Variants in TCF12 observed in about 807,000 individuals in gnomAD.
TCF12 encodes the protein transcription factor 12.
Under a neutral mutation model 86.0 loss-of-function variants are expected in TCF12, and 45 were observed. That is an observed-to-expected ratio of 0.52 (90% CI 0.41 to 0.67). The LOEUF is 0.67. TCF12 is among the 30% of genes least tolerant of loss of function. The pLI is 0.00. For missense variants in TCF12, 881 were observed against 859.9 expected (o/e 1.02, Z -0.31); for synonymous variants, 330 against 299.6 (o/e 1.10, Z -1.05).
At chr15:57,147,780 G>A (rs1444262903) in intron 5 of TCF12, among the ~76,000 whole-genome samples, 2 of 151,828 alleles carry the variant, frequency 1.3e-5, no homozygotes, top group Non-Finnish European at 2.9e-5. Context: ...AATTAAAGCA[G>A]AGTTCCTAAA....
chr15:57,073,685 C>A (rs1282952942), intron 4 of TCF12, among the ~76,000 whole-genome samples: 2 of 152,164 alleles, frequency 1.3e-5, no homozygotes, highest in Non-Finnish European at 1.5e-5. Context: ...ATAAAAGAGA[C>A]CCCCAGAACA....
At chr15:57,004,340 T>G (rs1379861714) in intron 3 of TCF12, among the ~76,000 whole-genome samples, 1 of 151,990 alleles carries the variant, frequency 6.6e-6, no homozygotes, top group African/African-American at 2.4e-5. Context: ...CGAGTTCAAG[T>G]GATTCTCCTG....
rs1295132460 is a variant in TCF12, at chr15:57,280,969, G to A, written c.1979-1476G>A. ...ATGAAAAGCTATATCAGAAGCTATG[G>A]ATATCTTGGGCTTAAAACTCATTTT... On this transcript the variant is annotated intron_variant, in intron 19 of 20. Coordinates refer to ENST00000333725, the MANE Select transcript of TCF12 (RefSeq NM_207037.2). Among the ~76,000 whole-genome samples, 5 of 152,236 alleles carry A rather than the reference G, an allele frequency of 3.3e-5. No individual in the cohort carries two copies. In the East Asian group the frequency reaches 9.6e-4, roughly 29 times the overall value.
At chr15:57,255,616 T>G (rs2152030131) in intron 16 of TCF12, among the ~76,000 whole-genome samples, 1 of 152,156 alleles carries the variant, frequency 6.6e-6, no homozygotes, top group Middle Eastern at 3.4e-3. Flanking sequence ...CCCGAATAGC[T>G]GGGATTATAG....
chr15:57,082,524 A>G (rs546734610), intron 4 of TCF12, among the ~76,000 whole-genome samples: 3 of 152,340 alleles, frequency 2.0e-5, no homozygotes, highest in African/African-American at 4.8e-5. Flanking sequence ...AGGCCAAACT[A>G]TTTCAGATAA....
At chr15:56,973,793 G>C (rs1445725405) in intron 3 of TCF12, among the ~76,000 whole-genome samples, 1 of 152,102 alleles carries the variant, frequency 6.6e-6, no homozygotes, top group African/African-American at 2.4e-5. Context: ...GTAACCATGT[G>C]ATTAAAGTTT....
intron 13 of TCF12, chr15:57,247,106 A>G: frequency 3.5e-6 from 2 of 570,178 alleles, no homozygotes; most frequent in South Asian, 1.6e-5. Flanking sequence ...TCCCACCACC[A>G]CCGTAGTTAC....
At chr15:56,971,961 G>T (rs1444836696) in intron 3 of TCF12, among the ~76,000 whole-genome samples, 1 of 152,130 alleles carries the variant, frequency 6.6e-6, no homozygotes, top group African/African-American at 2.4e-5. Context: ...GGAGGAAGGG[G>T]TAATGAAAAT....
chr15:57,234,136 A>G (rs1407433280), intron 12 of TCF12, 29 bp downstream of exon 12: 1 of 1,570,604 alleles, frequency 6.4e-7, no homozygotes, highest in Non-Finnish European at 8.8e-7. Context: ...CATTCTACTG[A>G]ATGAATTTTA....
intron 5 of TCF12, among the ~76,000 whole-genome samples, chr15:57,130,658 T>C (rs2052039217): frequency 6.6e-6 from 1 of 152,216 alleles, no homozygotes; most frequent in Admixed American, 6.5e-5. Context: ...GTTTCTGAAC[T>C]GAAAGTAGAG....
At chr15:57,211,827 G>A (rs1372393897) in intron 8 of TCF12, among the ~76,000 whole-genome samples, 2 of 152,178 alleles carry the variant, frequency 1.3e-5, no homozygotes, top group Admixed American at 6.5e-5. Context: ...GGTAGCACAC[G>A]CCTGTAATCC....
intron 3 of TCF12, among the ~76,000 whole-genome samples, chr15:57,008,774 G>T (rs540063494): frequency 6.6e-6 from 1 of 152,218 alleles, no homozygotes; most frequent in East Asian, 1.9e-4. Context: ...TTTATTGGTT[G>T]CTCTCTAGTG....
chr15:57,161,776 T>G (rs772603278), intron 5 of TCF12, among the ~76,000 whole-genome samples: 1 of 152,200 alleles, frequency 6.6e-6, no homozygotes, highest in Non-Finnish European at 1.5e-5. Context: ...TTTGTCACAG[T>G]AGAACAATAG....
chr15:57,064,182 C>G (rs1052872467), intron 4 of TCF12, among the ~76,000 whole-genome samples: 1 of 152,128 alleles, frequency 6.6e-6, no homozygotes, highest in African/African-American at 2.4e-5. Flanking sequence ...CTTCTAGCCT[C>G]TCTCCCTCAT....
chr15:57,264,771 C>A (rs1184522462), intron 18 of TCF12, among the ~76,000 whole-genome samples: 3 of 152,084 alleles, frequency 2.0e-5, no homozygotes, highest in Non-Finnish European at 4.4e-5. Flanking sequence ...GTCTTGTCGC[C>A]CAGGCTGGGG....
intron 3 of TCF12, among the ~76,000 whole-genome samples, chr15:56,928,535 T>A (rs1265687068): frequency 2.0e-5 from 3 of 152,166 alleles, no homozygotes; most frequent in Admixed American, 2.0e-4. Flanking sequence ...TTGCTTTTAG[T>A]GCCATAAAAT....
intron 5 of TCF12, among the ~76,000 whole-genome samples, chr15:57,093,641 A>T (rs1405432467): frequency 1.3e-5 from 2 of 152,312 alleles, no homozygotes; most frequent in Middle Eastern, 3.4e-3. Context: ...GTTGACTAAC[A>T]ATATATCTGT....
chr15:57,190,293 A>G (rs1178093809), intron 6 of TCF12, among the ~76,000 whole-genome samples: 6 of 152,186 alleles, frequency 3.9e-5, no homozygotes, highest in Non-Finnish European at 8.8e-5. Context: ...CATTTAAATG[A>G]GAGTTTTTCT....
intron 3 of TCF12, among the ~76,000 whole-genome samples, chr15:57,018,352 G>C (rs1366643772): frequency 6.6e-6 from 1 of 152,250 alleles, no homozygotes; most frequent in African/African-American, 2.4e-5. Flanking sequence ...ATAGCTACTT[G>C]TTGCAATAGC....
Sources: allele counts gnomAD v4.1 joint callset (sites outside exome capture counted in the v4.1 genomes callset), GRCh38; gene constraint gnomAD v4.1.1; transcripts MANE v1.5; gene names NCBI Gene and HGNC (gene_info 2026-07-23, HGNC 2026-07-21).